Variants in SGIP1 observed in about 807,000 individuals in gnomAD.
SGIP1 encodes SH3-containing GRB2-like protein 3-interacting protein 1.
In SGIP1, 38 loss-of-function variants were observed where a neutral mutation model predicts 107.5. The ratio of observed to expected loss-of-function variants is 0.35; its 90% CI spans 0.27 to 0.46. SGIP1 has a LOEUF of 0.46. Ranked by LOEUF, SGIP1 falls within the 20% of genes least tolerant of loss-of-function variation. The pLI, the probability that SGIP1 is intolerant of heterozygous loss-of-function variation, is 1.00. For synonymous variants in SGIP1, 365 were observed against 366.1 expected (o/e 1.00, Z 0.03); for missense variants, 929 against 1,019.5 (o/e 0.91, Z 1.21).
At chr1:66,716,366 C>A (rs780266102) in intron 18 of SGIP1, among the ~76,000 whole-genome samples, 4 of 152,172 alleles carry the variant, frequency 2.6e-5, no homozygotes, top group Non-Finnish European at 4.4e-5. Flanking sequence ...TCATAGAAGA[C>A]TATTAAATGC....
At chr1:66,605,382 G>T (rs2066625941) in intron 1 of SGIP1, among the ~76,000 whole-genome samples, 1 of 152,020 alleles carries the variant, frequency 6.6e-6, no homozygotes, top group Non-Finnish European at 1.5e-5. Flanking sequence ...CCCTTAAGGG[G>T]TAGAGAAATT....
intron 2 of SGIP1, among the ~76,000 whole-genome samples, chr1:66,627,982 G>A (rs2073318585): frequency 6.8e-6 from 1 of 147,264 alleles, no homozygotes; most frequent in South Asian, 2.1e-4. Context: ...CCACCTATGA[G>A]TGAGAACATG....
chr1:66,696,755 G>A (rs1316836137), intron 18 of SGIP1, among the ~76,000 whole-genome samples: 6 of 152,206 alleles, frequency 3.9e-5, no homozygotes, highest in African/African-American at 1.4e-4. Context: ...TTCTGCACAT[G>A]AAGTCAAAGC....
chr1:66,603,699 GA>G (rs1386933434), intron 1 of SGIP1, among the ~76,000 whole-genome samples: 2 of 152,264 alleles, frequency 1.3e-5, no homozygotes, highest in Non-Finnish European at 2.9e-5. Context: ...GCAAGGTCTA[GA>G]ATGGAAGAAT....
chr1:66,560,490 A>C (rs2058766900), intron 1 of SGIP1, among the ~76,000 whole-genome samples: 1 of 152,044 alleles, frequency 6.6e-6, no homozygotes, highest in African/African-American at 2.4e-5. Context: ...ACACTAGATA[A>C]ATTTTACAGT....
At chr1:66,692,207 T>C (rs2090018714) in intron 17 of SGIP1, among the ~76,000 whole-genome samples, 1 of 151,964 alleles carries the variant, frequency 6.6e-6, no homozygotes, top group Non-Finnish European at 1.5e-5. Context: ...TGTGTATGTT[T>C]GTACAATGTG....
At chr1:66,629,207 A>G (rs372327669) in intron 2 of SGIP1, among the ~76,000 whole-genome samples, 1 of 152,192 alleles carries the variant, frequency 6.6e-6, no homozygotes, top group East Asian at 1.9e-4. Context: ...ACACACCAGC[A>G]CCAACTTCAG....
intron 18 of SGIP1, among the ~76,000 whole-genome samples, chr1:66,707,908 G>A (rs1013898741): frequency 3.9e-5 from 6 of 152,154 alleles, no homozygotes; most frequent in African/African-American, 1.4e-4. Context: ...ATCTGGTCAT[G>A]TGCTATATGT....
intron 1 of SGIP1, among the ~76,000 whole-genome samples, chr1:66,560,322 G>A (rs186051605): frequency 2.6e-4 from 40 of 152,140 alleles, no homozygotes; most frequent in Non-Finnish European, 5.0e-4. Context: ...AATACTGTAT[G>A]TTTTTCAGGC....
intron 1 of SGIP1, among the ~76,000 whole-genome samples, chr1:66,568,716 C>A (rs370294756): frequency 6.6e-6 from 1 of 151,878 alleles, no homozygotes; most frequent in Non-Finnish European, 1.5e-5. Context: ...GTTCAACATA[C>A]GCAAATCAAT....
Position 66,589,197 on chromosome 1 carries a change from T to C in SGIP1, c.11-36650T>C, listed in dbSNP as rs1280299341. Among the ~76,000 whole-genome samples, 52 of 82,786 alleles carry C rather than the reference T, an allele frequency of 6.3e-4. 1 individual carries two copies. The highest frequency in any genetic ancestry group is 5.0e-4 in the Non-Finnish European group (21 of 41,892). 54.3% of individuals were successfully genotyped at this position (82,786 alleles called of 152,430 possible). On this transcript the variant is annotated intron_variant, in intron 1 of 24. Coordinates refer to ENST00000371037, the MANE Select transcript of SGIP1 (RefSeq NM_032291.4). ...ATATATATATATATATATATATATATATATATATATATATATATATGTAAG... is the reference window on the plus strand; with the variant it reads ...ATATATATATATATATATATATATACATATATATATATATATATATGTAAG...
intron 1 of SGIP1, among the ~76,000 whole-genome samples, chr1:66,536,947 A>G (rs2053759572): frequency 6.6e-6 from 1 of 152,232 alleles, no homozygotes; most frequent in Admixed American, 6.5e-5. Flanking sequence ...AGCAAGAGTA[A>G]ACAAATATTC....
intron 1 of SGIP1, among the ~76,000 whole-genome samples, chr1:66,552,283 T>A (rs2057531999): frequency 6.6e-6 from 1 of 152,204 alleles, no homozygotes; most frequent in Non-Finnish European, 1.5e-5. Context: ...GGCTATTGGC[T>A]ATGTATCTGA....
chr1:66,545,640 G>T (rs1402303465), intron 1 of SGIP1, among the ~76,000 whole-genome samples: 9 of 150,966 alleles, frequency 6.0e-5, no homozygotes, highest in Admixed American at 5.9e-4. Flanking sequence ...GTGTGTGTGT[G>T]TGTGTGTGTG....
At chr1:66,658,059 C>T (rs2031478) in intron 7 of SGIP1, among the ~76,000 whole-genome samples, 7 of 152,068 alleles carry the variant, frequency 4.6e-5, no homozygotes, top group African/African-American at 1.7e-4. Context: ...TTAATATATG[C>T]GGTAGCCTGA....
intron 6 of SGIP1, among the ~76,000 whole-genome samples, chr1:66,643,091 A>G (rs1054430318): frequency 6.6e-6 from 1 of 150,408 alleles, no homozygotes; most frequent in Non-Finnish European, 1.5e-5. Flanking sequence ...AAAACGTGCT[A>G]AAAAAACGCT....
At chr1:66,662,418 T>C (rs1003167315) in intron 8 of SGIP1, among the ~76,000 whole-genome samples, 3 of 152,214 alleles carry the variant, frequency 2.0e-5, no homozygotes, top group African/African-American at 7.2e-5. Flanking sequence ...GTTTGGTTAG[T>C]TGGAAATGAT....
At chr1:66,540,946 A>G (rs1557822373) in intron 1 of SGIP1, among the ~76,000 whole-genome samples, 1 of 152,200 alleles carries the variant, frequency 6.6e-6, no homozygotes, top group African/African-American at 2.4e-5. Flanking sequence ...GATTCCTCAC[A>G]TCTACTCCCT....
At chr1:66,631,079 GAAAGAAAGAAAGAAAGAAAGAAAA>G (rs1454021981) in intron 2 of SGIP1, among the ~76,000 whole-genome samples, 30 of 141,696 alleles carry the variant, frequency 2.1e-4, no homozygotes, top group African/African-American at 7.5e-4. Context: ...AAGAAAGAAA[GAAAGAAAGAAAGAAAGAAAGAAAA>G]AAAGAAAGAC....
Sources: allele counts gnomAD v4.1 joint callset (sites outside exome capture counted in the v4.1 genomes callset), GRCh38; gene constraint gnomAD v4.1.1; transcripts MANE v1.5; gene names NCBI Gene and HGNC (gene_info 2026-07-23, HGNC 2026-07-21).